NINL: variants seen among roughly 807,000 people sequenced by gnomAD.
NINL encodes the protein ninein like.
In NINL, 153 loss-of-function variants were observed where a neutral mutation model predicts 160.3. That is an observed-to-expected ratio of 0.95 (90% CI 0.84 to 1.09). The LOEUF is 1.09. Ranked by LOEUF, NINL falls within the 50% of genes least tolerant of loss-of-function variation. The pLI, the probability that NINL is intolerant of heterozygous loss-of-function variation, is 0.00. For missense variants in NINL, 1,829 were observed against 1,764.0 expected (o/e 1.04, Z -0.66); for synonymous variants, 800 against 734.8 (o/e 1.09, Z -1.43).
intron 23 of NINL, among the ~76,000 whole-genome samples, chr20:25,454,829 C>A (rs148178314): frequency 6.6e-6 from 1 of 152,290 alleles, no homozygotes; most frequent in Non-Finnish European, 1.5e-5. Flanking sequence ...TGAGTTATGG[C>A]ACCTCATTTT....
chr20:25,476,213 G>T lies in NINL; in HGVS notation c.3078C>A (p.Leu1026=). Reference sequence around the variant, plus strand: ...AGGAACCCTGCGGGTCTGCGAGCTGGAGGTGGGATGGCAAGGACCCTCTCC... The same window carrying T: ...AGGAACCCTGCGGGTCTGCGAGCTGTAGGTGGGATGGCAAGGACCCTCTCC... ...VARRGSLPSH[L]QLADPQGSWQ... Residue 1026 remains leucine (L), a synonymous_variant, in exon 17 of 24, where the codon CTC becomes CTA. Transcript: ENST00000278886. The T allele has an allele frequency of 6.2e-7, 1 of 1,614,182 alleles. No individual in the cohort carries two copies. Among genetic ancestry groups the T allele is most frequent in the Non-Finnish European group, 8.5e-7 (1 of 1,180,034 alleles).
intron 1 of NINL, among the ~76,000 whole-genome samples, chr20:25,554,623 C>T (rs2064843709): frequency 1.9e-5 from 1 of 53,926 alleles, no homozygotes. Flanking sequence ...CTGTTCTTTA[C>T]CAAAAAAAAA....
Position 25,467,461 on chromosome 20 carries a change from G to A in NINL, c.3354-3C>T. The A allele has an allele frequency of 6.2e-7, 1 of 1,612,474 alleles. No individual in the cohort carries two copies. Among genetic ancestry groups the A allele is most frequent in the Non-Finnish European group, 8.5e-7 (1 of 1,178,514 alleles). On this transcript the variant is annotated splice_polypyrimidine_tract_variant and splice_region_variant and intron_variant, in intron 18 of 23. Coordinates refer to ENST00000278886, the MANE Select transcript of NINL (RefSeq NM_025176.6). ...TCTTTAAAACCTCAATTTCCTTCCT[G>A]TTGAAGAAGCACAATTAACAGTGAT...
chr20:25,512,860 G>A lies in NINL; in HGVS notation c.424C>T (p.Arg142Cys), dbSNP rs139869636. 7.7e-5 allele frequency: 125 copies of A among 1,613,908 alleles called. No homozygotes were observed. The highest frequency in any genetic ancestry group is 4.5e-4 in the African/African-American group (34 of 75,068). The change falls in exon 4 of 24, where the codon CGC becomes TGC. Residue 142 changes from arginine to cysteine, a missense_variant. Arg to Cys is a radical substitution (Grantham distance 180). Coordinates refer to ENST00000278886, the MANE Select transcript of NINL (RefSeq NM_025176.6). ...TCCACGCTCTCCAGAGACGCTGAGC[G>A]CCAGAGGTGACTTTTCAGGCTGGCC... is the stretch of plus-strand genomic sequence containing the variant. ...TQASLKSHLW[R>C]SASLESVESP...
intron 17 of NINL, among the ~76,000 whole-genome samples, chr20:25,475,629 TG>T (rs61522314): frequency 0.051 from 7,786 of 152,280 alleles, 206 homozygotes; most frequent in Middle Eastern, 0.11. Flanking sequence ...CCCAGCACTT[TG>T]TGAGGCCAAG....
At chr20:25,530,040 A>T (rs1192286684) in intron 1 of NINL, among the ~76,000 whole-genome samples, 1 of 152,164 alleles carries the variant, frequency 6.6e-6, no homozygotes, top group Non-Finnish European at 1.5e-5. Context: ...TCATGAAAAA[A>T]TCTGTTTTGA....
intron 1 of NINL, among the ~76,000 whole-genome samples, 153 bp downstream of exon 1, chr20:25,585,302 C>G (rs1006657731): frequency 7.9e-5 from 12 of 152,196 alleles, no homozygotes; most frequent in Admixed American, 7.9e-4. Context: ...GCAGATGCGC[C>G]GAGTCTGCGC....
At position 25,461,607 on chromosome 20, in the gene NINL, T is replaced by A; in HGVS notation, c.3611A>T (p.Glu1204Val). The A allele has an allele frequency of 6.2e-7, 1 of 1,612,786 alleles. No homozygotes were observed. Among genetic ancestry groups the A allele is most frequent in the Non-Finnish European group, 8.5e-7 (1 of 1,179,490 alleles). The change falls in exon 21 of 24, where the codon GAA becomes GTA. Residue 1204 changes from glutamate to valine, a missense_variant. Physicochemically the swap from Glu to Val is moderately radical, Grantham distance 121. Transcript: ENST00000278886. ...QSDQIQKLRV[E>V]LECLNQEHQS... The stretch of plus-strand genomic sequence containing the variant: ...ATGTTCCTGATTCAGGCATTCAAGT[T>A]CAACTCTAAGTTTTTGGATTTGGTC...
chr20:25,538,834 A>T (rs574866468), intron 1 of NINL, among the ~76,000 whole-genome samples: 2 of 152,206 alleles, frequency 1.3e-5, no homozygotes, highest in Non-Finnish European at 2.9e-5. Flanking sequence ...TGGGGAGCAC[A>T]AGGCCGGGGA....
chr20:25,465,224 G>C (rs1009047388), intron 19 of NINL, among the ~76,000 whole-genome samples: 1 of 152,144 alleles, frequency 6.6e-6, no homozygotes, highest in African/African-American at 2.4e-5. Context: ...TGGCCCACGG[G>C]ACCACTACTG....
chr20:25,520,361 T>C (rs1233859849), intron 2 of NINL, among the ~76,000 whole-genome samples: 1 of 152,214 alleles, frequency 6.6e-6, no homozygotes, highest in Non-Finnish European at 1.5e-5. Context: ...GCTTCCAAAA[T>C]CTGACCAAGA....
At chr20:25,570,374 T>G (rs137973174) in intron 1 of NINL, among the ~76,000 whole-genome samples, 1 of 152,190 alleles carries the variant, frequency 6.6e-6, no homozygotes, top group African/African-American at 2.4e-5. Context: ...GTTGTCAGGA[T>G]AGTGAGTTCT....
chr20:25,529,617 T>C (rs1024542799), intron 1 of NINL, among the ~76,000 whole-genome samples: 14 of 152,008 alleles, frequency 9.2e-5, no homozygotes, highest in Non-Finnish European at 1.9e-4. Flanking sequence ...CAGAAAACCA[T>C]AAACAATAAA....
At chr20:25,456,587 G>A (rs2090687404) in intron 22 of NINL, among the ~76,000 whole-genome samples, 1 of 151,786 alleles carries the variant, frequency 6.6e-6, no homozygotes, top group Non-Finnish European at 1.5e-5. Flanking sequence ...AAGGTTACAG[G>A]CAATATTTTA....
intron 3 of NINL, among the ~76,000 whole-genome samples, chr20:25,515,182 A>G (rs1363009901): frequency 6.6e-6 from 1 of 152,238 alleles, no homozygotes; most frequent in Non-Finnish European, 1.5e-5. Context: ...TGTATCCTGC[A>G]GAGACACAGG....
At chr20:25,508,193 T>C (rs1233527091) in intron 5 of NINL, among the ~76,000 whole-genome samples, 1 of 152,110 alleles carries the variant, frequency 6.6e-6, no homozygotes, top group Non-Finnish European at 1.5e-5. Context: ...GAGACAAAAG[T>C]TGAACAAAAA....
At chr20:25,514,638 TC>T (rs1367191790) in intron 3 of NINL, among the ~76,000 whole-genome samples, 1 of 152,130 alleles carries the variant, frequency 6.6e-6, no homozygotes, top group Non-Finnish European at 1.5e-5. Context: ...TTCATGGCAG[TC>T]CCTCCCATCA....
intron 1 of NINL, among the ~76,000 whole-genome samples, chr20:25,575,947 CG>C (rs1212984639): frequency 6.6e-6 from 1 of 152,102 alleles, no homozygotes; most frequent in Non-Finnish European, 1.5e-5. Context: ...CATTTGAAAT[CG>C]GGTATCAGAC....
chr20:25,458,372 TC>T lies in NINL; in HGVS notation c.3843+10del. ...ATCTCGTCAGCCATCTCTCGCTGCA[TC>T]CCCACTTACCCGCTGTGCATCCAGG... On this transcript the variant is annotated intron_variant, in intron 22 of 23. Transcript: ENST00000278886. 2 of 1,605,438 alleles carry T rather than the reference TC, an allele frequency of 1.2e-6. No individual in the cohort carries two copies.
Sources: allele counts gnomAD v4.1 joint callset (sites outside exome capture counted in the v4.1 genomes callset), GRCh38; gene constraint gnomAD v4.1.1; transcripts MANE v1.5; gene names NCBI Gene and HGNC (gene_info 2026-07-23, HGNC 2026-07-21).